Variants in SSU72 observed in about 807,000 individuals in gnomAD.
The protein encoded by SSU72 is SSU72 homolog, RNA polymerase II CTD phosphatase.
Under a neutral mutation model 22.7 loss-of-function variants are expected in SSU72, and 12 were observed. That is an observed-to-expected ratio of 0.53 (90% CI 0.34 to 0.86). SSU72 has a LOEUF of 0.86. Among genes scored for constraint, SSU72 ranks in the 40% least tolerant of loss-of-function variants. The pLI is 0.02. For missense variants in SSU72, 151 were observed against 249.8 expected, an observed-to-expected ratio of 0.60 and a Z score of 2.67; for synonymous variants, 116 against 98.3, an observed-to-expected ratio of 1.18 and a Z score of -1.06.
chr1:1,552,067 A>AC (rs1325507131), intron 2 of SSU72, among the ~76,000 whole-genome samples: 1 of 152,054 alleles, frequency 6.6e-6, no homozygotes, highest in East Asian at 1.9e-4. Context: ...CAGCGTTCCG[A>AC]CCCGGCACTC....
chr1:1,564,368 C>T (rs1013158188), intron 2 of SSU72: 18 of 1,144,084 alleles, frequency 1.6e-5, no homozygotes, highest in African/African-American at 4.7e-5. Context: ...TGAAGCAGCC[C>T]GGCTCCATGT....
At chr1:1,566,017 G>A (rs1261880447) in intron 1 of SSU72, among the ~76,000 whole-genome samples, 1 of 152,134 alleles carries the variant, frequency 6.6e-6, no homozygotes, top group Non-Finnish European at 1.5e-5. Flanking sequence ...GGCACTTTGG[G>A]AGGCCGAGAC....
Position 1,542,466 on chromosome 1 carries a change from AC to A in SSU72, c.484-300del, listed in dbSNP as rs1253612101. On this transcript the variant is annotated intron_variant, in intron 4 of 4. Coordinates refer to ENST00000291386, the MANE Select transcript of SSU72 (RefSeq NM_014188.3). This position sits in a 1 kb window ranked among gnomAD's most constrained non-coding sequence, Gnocchi z 4.4. ...CGGAGACCTGGCGGCCAGGGCTCAG[AC>A]CCACACATGCACAGCGGGGCCGACC... Among the ~76,000 whole-genome samples the A allele has an allele frequency of 6.6e-6, 1 of 152,052 alleles. No homozygotes were observed. Among genetic ancestry groups the A allele is most frequent in the Non-Finnish European group, 1.5e-5 (1 of 68,018 alleles).
Position 1,574,841 on chromosome 1 carries a change from C to T in SSU72, c.-284G>A. The T allele has an allele frequency of 2.8e-6, 1 of 358,858 alleles. No individual in the cohort carries two copies. Among genetic ancestry groups the T allele is most frequent in the East Asian group, 7.6e-5 (1 of 13,170 alleles). The allele number at this position is 358,858 out of a possible 1,614,324, so 22.2% of individuals were successfully genotyped here. ...GCGTCCGCAGCAGAGACCCGCACTC[C>T]ACAAGGCCCGGCTGAGCGTCACGGC... On this transcript the variant is annotated 5_prime_UTR_variant, in exon 1 of 5. Coordinates refer to ENST00000291386, the MANE Select transcript of SSU72 (RefSeq NM_014188.3).
rs1031011260 is a variant in SSU72 at position 1,549,343 on chromosome 1, A to G, written c.225-4341T>C. 1.2e-4 allele frequency among the ~76,000 whole-genome samples: 18 copies of G among 151,786 alleles called. 1 individual carries two copies. Among genetic ancestry groups the G allele is most frequent in the Non-Finnish European group, 2.2e-4 (15 of 67,946 alleles). ...GAGACCATCCTGGCTACCACAGGGA[A>G]ACCCTGTCTCTACTAAAAACACAAA... On this transcript the variant is annotated intron_variant, in intron 2 of 4. Coordinates refer to ENST00000291386, the MANE Select transcript of SSU72 (RefSeq NM_014188.3).
intron 1 of SSU72, among the ~76,000 whole-genome samples, chr1:1,573,684 T>C (rs1000384168): frequency 6.6e-6 from 1 of 152,178 alleles, no homozygotes; most frequent in African/African-American, 2.4e-5. Context: ...AGGAAAGTTA[T>C]AGCTGGACTG....
At position 1,544,945 on chromosome 1, in the gene SSU72, C is replaced by A. The variant is rs138912153; in HGVS notation, c.282G>T (p.Arg94=). Residue 94 remains arginine (R), a synonymous_variant, in exon 3 of 5, where the codon CGG becomes CGT. Coordinates refer to ENST00000291386, the MANE Select transcript of SSU72 (RefSeq NM_014188.3). ...CTTTGCAGTTCTGGAATCTTTCTGGCCGGGGCTTGATTCTCTTATTTCTGT... is the reference window on the plus strand; with the variant it reads ...CTTTGCAGTTCTGGAATCTTTCTGGACGGGGCTTGATTCTCTTATTTCTGT... ...MLDRNKRIKP[R]PERFQNCKDL... 20 of 1,614,102 alleles carry A rather than the reference C, an allele frequency of 1.2e-5. No homozygotes were observed. Among genetic ancestry groups the A allele is most frequent in the African/African-American group, 2.7e-5 (2 of 74,946 alleles).
chr1:1,560,211 G>A (rs1642571284), intron 2 of SSU72, among the ~76,000 whole-genome samples: 2 of 152,096 alleles, frequency 1.3e-5, no homozygotes, highest in South Asian at 4.1e-4. Flanking sequence ...TTTAACAAGA[G>A]TCTTGTTCTC....
At position 1,542,352 on chromosome 1, in the gene SSU72, A is replaced by T. The variant is rs1487934364; in HGVS notation, c.484-185T>A. On this transcript the variant is annotated intron_variant, in intron 4 of 4. Coordinates refer to ENST00000291386, the MANE Select transcript of SSU72 (RefSeq NM_014188.3). This position sits in a 1 kb window ranked among gnomAD's most constrained non-coding sequence, Gnocchi z 4.4. ...GCTGCAGGGGGAGAGCGTCCCGGGC[A>T]GCCCCCACCTCCCCACCGACCCTCA... Among the ~76,000 whole-genome samples the T allele has an allele frequency of 1.3e-5, 2 of 152,098 alleles. No homozygotes were observed. Among genetic ancestry groups the T allele is most frequent in the African/African-American group, 4.8e-5 (2 of 41,414 alleles).
chr1:1,573,524 T>C (rs1246872101), intron 1 of SSU72, among the ~76,000 whole-genome samples: 1 of 151,810 alleles, frequency 6.6e-6, no homozygotes, highest in Non-Finnish European at 1.5e-5. Flanking sequence ...TGGGGGGTGT[T>C]TTTTGGTCTC....
At chr1:1,555,988 G>A (rs539623684) in intron 2 of SSU72, among the ~76,000 whole-genome samples, 120 of 151,932 alleles carry the variant, frequency 7.9e-4, no homozygotes, top group Admixed American at 1.8e-3. Flanking sequence ...GAGCGAGACC[G>A]TCTCGAAAAA....
chr1:1,574,403 G>C (rs1157440692), intron 1 of SSU72, 75 bp downstream of exon 1: 1 of 1,484,884 alleles, frequency 6.7e-7, no homozygotes, highest in Admixed American at 2.0e-5. Context: ...CCTGGCGCGG[G>C]CCAGGGGGAA....
chr1:1,574,731 G>A lies in SSU72; in HGVS notation c.-174C>T, dbSNP rs544893038. The A allele has an allele frequency of 7.4e-4, 352 of 474,608 alleles. 3 individuals carry two copies. The highest frequency in any genetic ancestry group is 6.7e-3 in the African/African-American group (325 of 48,276). 29.4% of individuals were successfully genotyped at this position (474,608 alleles called of 1,614,324 possible). A position where few individuals can be genotyped will look rare whatever the true frequency, so the allele number is the denominator to read the frequency against. On this transcript the variant is annotated 5_prime_UTR_variant, in exon 1 of 5. Coordinates refer to ENST00000291386, the MANE Select transcript of SSU72 (RefSeq NM_014188.3). The stretch of plus-strand genomic sequence containing the variant: ...GGCCTCCCCGCCCACCCTGGGCGCC[G>A]GGCCGCGGACGGAGCGCAGGCACTG...
At chr1:1,571,310 G>C (rs1489207137) in intron 1 of SSU72, among the ~76,000 whole-genome samples, 1 of 137,876 alleles carries the variant, frequency 7.3e-6, no homozygotes, top group Non-Finnish European at 1.5e-5. Context: ...GCAGGCGCCT[G>C]TAGTCCCAGC....
chr1:1,564,440 C>A (rs931965687), intron 2 of SSU72: 1 of 1,460,714 alleles, frequency 6.8e-7, no homozygotes, highest in Non-Finnish European at 9.0e-7. Context: ...ACGGGGCAGC[C>A]CTGCAGTGTG....
rs1332109853 is a variant in SSU72 at position 1,554,578 on chromosome 1, G to C, written c.225-9576C>G. On this transcript the variant is annotated intron_variant, in intron 2 of 4. Coordinates refer to ENST00000291386, the MANE Select transcript of SSU72 (RefSeq NM_014188.3). This position sits in a 1 kb window ranked among gnomAD's most constrained non-coding sequence, Gnocchi z 4.1. ...GCCTTAGTGGGACCAGAACATCCCG[G>C]GGAGTTAGAATGAGCGCAGCTGCCC... 6.6e-6 allele frequency among the ~76,000 whole-genome samples: 1 copy of C among 152,164 alleles called. No individual in the cohort carries two copies. Among genetic ancestry groups the C allele is most frequent in the African/African-American group, 2.4e-5 (1 of 41,430 alleles).
intron 3 of SSU72, 32 bp downstream of exon 3, chr1:1,544,831 G>GAGCCC (rs779504550): frequency 4.2e-5 from 68 of 1,613,718 alleles, no homozygotes; most frequent in Non-Finnish European, 5.4e-5. Context: ...AGAGCTGCTG[G>GAGCCC]AGCCCAGCCC....
At chr1:1,553,250 G>C (rs1366766385) in intron 2 of SSU72, among the ~76,000 whole-genome samples, 4 of 151,924 alleles carry the variant, frequency 2.6e-5, no homozygotes, top group African/African-American at 9.7e-5. Context: ...TCTCCGGCTC[G>C]GCCCCTCTGT....
intron 1 of SSU72, among the ~76,000 whole-genome samples, chr1:1,565,241 C>G (rs1234126599): frequency 6.6e-6 from 1 of 152,078 alleles, no homozygotes; most frequent in African/African-American, 2.4e-5. Flanking sequence ...GGCGCGGTGG[C>G]GGGCACCTGT....
Sources: gnomAD v4.1 joint callset for allele counts (sites outside exome capture counted in the v4.1 genomes callset) on GRCh38, gnomAD v4.1.1 for gene constraint, Gnocchi (gnomAD v3.1) non-coding constraint, MANE v1.5 for transcripts, NCBI Gene and HGNC (gene_info 2026-07-23, HGNC 2026-07-21) for gene names.